Variants in DENND1A observed in about 807,000 individuals in gnomAD.
The protein encoded by DENND1A is DENN domain containing 1A.
In DENND1A, 51 loss-of-function variants were observed where a neutral mutation model predicts 113.7. That is an observed-to-expected ratio of 0.45 (90% CI 0.36 to 0.57). The LOEUF (loss-of-function observed/expected upper bound fraction) is 0.57. DENND1A is among the 20% of genes least tolerant of loss of function. DENND1A has a pLI of 0.00. For missense variants in DENND1A, 1,258 were observed against 1,395.9 expected (o/e 0.90, Z 1.57); for synonymous variants, 565 against 570.8 (o/e 0.99, Z 0.14).
rs182352940 is a variant in DENND1A, at chr9:123,449,068, T to C, written c.1356+1625A>G. Among the ~76,000 whole-genome samples, 21 of 152,326 alleles carry C rather than the reference T, an allele frequency of 1.4e-4. 1 individual carries two copies. The highest frequency in any genetic ancestry group is 1.1e-3 in the Admixed American group (17 of 15,306). On this transcript the variant is annotated intron_variant, in intron 18 of 23. Transcript: ENST00000394215. The stretch of plus-strand genomic sequence containing the variant: ...AGAACACACAGCCACCAGAAGTCGA[T>C]GGAGCTGGGATCCAATTCTGGCTCT...
intron 5 of DENND1A, among the ~76,000 whole-genome samples, chr9:123,746,027 G>A (rs1290624134): frequency 6.6e-6 from 1 of 152,188 alleles, no homozygotes; most frequent in Non-Finnish European, 1.5e-5. Context: ...GTATACATAG[G>A]TGAAAAAATT....
At chr9:123,804,936 A>G (rs1319437666) in intron 2 of DENND1A, among the ~76,000 whole-genome samples, 1 of 152,082 alleles carries the variant, frequency 6.6e-6, no homozygotes, top group Non-Finnish European at 1.5e-5. Flanking sequence ...CCTCCTCTAC[A>G]ACGTCCTCCC....
chr9:123,659,844 A>T (rs780560273), intron 8 of DENND1A, among the ~76,000 whole-genome samples: 4 of 152,206 alleles, frequency 2.6e-5, no homozygotes, highest in Non-Finnish European at 5.9e-5. Context: ...AGTAATTTTA[A>T]ATTAATCCTT....
chr9:123,401,661 A>C, intron 21 of DENND1A: 3 of 1,474,258 alleles, frequency 2.0e-6, no homozygotes, highest in Non-Finnish European at 2.7e-6. Flanking sequence ...CATATTAAAC[A>C]AACAACAAAC....
chr9:123,784,579 A>G (rs1281682731), intron 3 of DENND1A, among the ~76,000 whole-genome samples: 1 of 152,240 alleles, frequency 6.6e-6, no homozygotes, highest in Non-Finnish European at 1.5e-5. Flanking sequence ...TAATCATAGC[A>G]TAACTTACTA....
At chr9:123,564,547 T>C (rs907098498) in intron 12 of DENND1A, among the ~76,000 whole-genome samples, 13 of 152,180 alleles carry the variant, frequency 8.5e-5, no homozygotes, top group Non-Finnish European at 4.4e-5. Flanking sequence ...TTTGCATAGG[T>C]TATTTCCGGT....
In DENND1A at chr9:123,557,608, A is replaced by G. The variant is rs1399059999; in HGVS notation, c.955T>C (p.Phe319Leu). The G allele has an allele frequency of 2.5e-6, 4 of 1,614,072 alleles. No individual in the cohort carries two copies. Among genetic ancestry groups the G allele is most frequent in the Non-Finnish European group, 3.4e-6 (4 of 1,179,968 alleles). The change falls in exon 13 of 24, where the codon TTC becomes CTC. Residue 319 changes from phenylalanine to leucine, a missense_variant. By Grantham distance (22) the Phe-to-Leu change is conservative. Around this residue, in one of 2 missense-constraint regions of DENND1A, gnomAD observed 1,159 missense variants for 1,231.7 expected, o/e 0.94. Transcript: ENST00000394215. ...AGAGCGTTTCGGTAGCTACCGAAGA[A>G]AGCAGCCTGGGCCTTGAGGAACGCT... ...ARAFLKAQAA[F>L]FGSYRNALKI... is the part of the protein sequence containing the mutation.
At chr9:123,619,588 T>A (rs1399973706) in intron 10 of DENND1A, among the ~76,000 whole-genome samples, 1 of 152,124 alleles carries the variant, frequency 6.6e-6, no homozygotes. Context: ...CCTGGCTAAT[T>A]TTTGTATTTG....
chr9:123,587,286 A>G (rs992426910), intron 11 of DENND1A, among the ~76,000 whole-genome samples: 1 of 152,204 alleles, frequency 6.6e-6, no homozygotes, highest in Non-Finnish European at 1.5e-5. Context: ...GTACACAGAG[A>G]TAAGAATTTA....
intron 5 of DENND1A, among the ~76,000 whole-genome samples, chr9:123,719,698 C>G (rs1283397833): frequency 6.6e-6 from 1 of 152,000 alleles, no homozygotes; most frequent in Non-Finnish European, 1.5e-5. Flanking sequence ...GGATGGGACC[C>G]AAGTCTAAAC....
At chr9:123,447,588 TA>T (rs2047399089) in intron 18 of DENND1A, among the ~76,000 whole-genome samples, 1 of 152,152 alleles carries the variant, frequency 6.6e-6, no homozygotes, top group South Asian at 2.1e-4. Context: ...GGTTCTTGAT[TA>T]TATCTGCAAG....
intron 9 of DENND1A, among the ~76,000 whole-genome samples, chr9:123,630,851 G>T (rs2061445258): frequency 6.6e-6 from 1 of 152,116 alleles, no homozygotes; most frequent in Non-Finnish European, 1.5e-5. Context: ...TCTTAAAAGT[G>T]AACATTATTT....
At chr9:123,792,660 G>A (rs1833163955) in intron 2 of DENND1A, 30 bp from the exon 3 acceptor site, 1 of 1,610,902 alleles carries the variant, frequency 6.2e-7, no homozygotes, top group Non-Finnish European at 8.5e-7. Context: ...AATATTAATT[G>A]GCTTTGGATT....
At chr9:123,717,849 G>A (rs1589793397) in intron 5 of DENND1A, among the ~76,000 whole-genome samples, 1 of 152,114 alleles carries the variant, frequency 6.6e-6, no homozygotes, top group East Asian at 1.9e-4. Flanking sequence ...GTGTGTAGTT[G>A]GAATAGCCCC....
intron 11 of DENND1A, among the ~76,000 whole-genome samples, chr9:123,588,315 C>T (rs2059286693): frequency 7.1e-6 from 1 of 140,468 alleles, no homozygotes; most frequent in Non-Finnish European, 1.5e-5. Context: ...ATTATAGATG[C>T]CTACTATTAA....
At chr9:123,734,100 C>G (rs2068384606) in intron 5 of DENND1A, among the ~76,000 whole-genome samples, 2 of 152,214 alleles carry the variant, frequency 1.3e-5, no homozygotes, top group Admixed American at 1.3e-4. Context: ...TCCCAAGTAG[C>G]TGAGACTACA....
intron 19 of DENND1A, among the ~76,000 whole-genome samples, chr9:123,434,762 T>C (rs1177813350): frequency 6.6e-6 from 1 of 152,042 alleles, no homozygotes; most frequent in Non-Finnish European, 1.5e-5. Flanking sequence ...AGGAGGAAGA[T>C]GGAGTCTTTA....
intron 9 of DENND1A, among the ~76,000 whole-genome samples, chr9:123,645,173 C>G (rs751381596): frequency 3.9e-5 from 6 of 152,106 alleles, no homozygotes; most frequent in Non-Finnish European, 8.8e-5. Flanking sequence ...TGCATATTAC[C>G]TGCCTCTGAA....
intron 12 of DENND1A, among the ~76,000 whole-genome samples, chr9:123,578,028 A>C (rs1436879120): frequency 6.6e-6 from 1 of 152,146 alleles, no homozygotes; most frequent in East Asian, 1.9e-4. Context: ...TTCATCTTAT[A>C]GTTTCCTGTC....
Sources: gnomAD v4.1 joint callset for allele counts (sites outside exome capture counted in the v4.1 genomes callset) on GRCh38, gnomAD v4.1.1 for gene constraint, gnomAD v4.1.1 regional missense constraint, MANE v1.5 for transcripts, NCBI Gene and HGNC (gene_info 2026-07-23, HGNC 2026-07-21) for gene names.